Variants in SP140L observed in about 807,000 individuals in gnomAD.
SP140L encodes the protein SP140 like nuclear body protein.
A neutral mutation model predicts 84.3 loss-of-function variants in SP140L; 64 were observed. That is an observed-to-expected ratio of 0.76 (90% confidence interval 0.62 to 0.94). SP140L has a LOEUF of 0.94. Ranked by LOEUF, SP140L falls within the 40% of genes least tolerant of loss-of-function variation. The pLI, the probability that SP140L is intolerant of heterozygous loss-of-function variation, is 0.00. For synonymous variants in SP140L, 242 were observed against 236.9 expected (o/e 1.02, Z -0.20); for missense variants, 628 against 692.5 (o/e 0.91, Z 1.05).
chr2:230,328,529 A>G (rs1301939284), intron 1 of SP140L, among the ~76,000 whole-genome samples: 1 of 152,238 alleles, frequency 6.6e-6, no homozygotes, highest in Non-Finnish European at 1.5e-5. Flanking sequence ...ATACTATTCC[A>G]TAGAATTTAC....
chr2:230,333,164 ATT>A (rs777170281), intron 2 of SP140L, among the ~76,000 whole-genome samples: 26 of 143,450 alleles, frequency 1.8e-4, no homozygotes, highest in Non-Finnish European at 1.5e-4. Context: ...TGCCATTCTG[ATT>A]TTTTTTTTTT....
intron 7 of SP140L, among the ~76,000 whole-genome samples, chr2:230,375,858 G>A (rs922800910): frequency 1.3e-5 from 2 of 151,992 alleles, no homozygotes; most frequent in African/African-American, 4.8e-5. Context: ...TATTCCATAG[G>A]TTGCCTTTTC....
At chr2:230,351,009 T>C (rs750104150) in intron 2 of SP140L, among the ~76,000 whole-genome samples, 2 of 152,054 alleles carry the variant, frequency 1.3e-5, no homozygotes, top group Admixed American at 6.6e-5. Flanking sequence ...GATCATTACA[T>C]TACCTTTGAA....
At chr2:230,379,551 A>G (rs932812581) in intron 7 of SP140L, among the ~76,000 whole-genome samples, 2 of 152,044 alleles carry the variant, frequency 1.3e-5, no homozygotes, top group African/African-American at 4.8e-5. Flanking sequence ...ACTTAAATCA[A>G]TTTTTTAAAT....
intron 2 of SP140L, among the ~76,000 whole-genome samples, chr2:230,356,926 A>G (rs1056802927): frequency 6.6e-6 from 1 of 152,194 alleles, no homozygotes; most frequent in Non-Finnish European, 1.5e-5. Context: ...ATTCAAAACA[A>G]TAATGCGACA....
Position 230,393,448 on chromosome 2 carries a change from A to G in SP140L, c.1142A>G (p.Tyr381Cys). Residue 381 changes from tyrosine to cysteine, a missense_variant, in exon 13 of 19, where the codon TAC becomes TGC. Physicochemically the swap from Tyr to Cys is radical, Grantham distance 194. Around this residue, in one of 4 missense-constraint regions of SP140L, gnomAD observed 525 missense variants for 518.4 expected, o/e 1.01. Transcript: ENST00000415673. ...CTACCTAATCCTCCAAGAATATATT[A>G]CAGGAACAAAAAGGTGATTATTACA... is the stretch of plus-strand genomic sequence containing the variant. ...GSLPNPPRIY[Y>C]RNKKRILKSQ... 1.3e-6 allele frequency: 2 copies of G among 1,579,748 alleles called. No individual in the cohort carries two copies. The highest frequency in any genetic ancestry group is 1.7e-6 in the Non-Finnish European group (2 of 1,164,992).
At chr2:230,387,189 T>C (rs2061620231) in intron 9 of SP140L, among the ~76,000 whole-genome samples, 1 of 152,214 alleles carries the variant, frequency 6.6e-6, no homozygotes, top group African/African-American at 2.4e-5. Flanking sequence ...GAACCACAGT[T>C]CCACCTCTTT....
At position 230,370,949 on chromosome 2, in the gene SP140L, C is replaced by T; in HGVS notation, c.565C>T (p.Gln189Ter). ...ESPEARKESDQACGKMDTVDI... is the reference protein window; with the variant it reads ...ESPEARKESD ...CCCGGAAGCAAGGAAGGAAAGTGAC[C>T]AAGCATGTGGCAAAATGGGTAAGGC... is the stretch of plus-strand genomic sequence containing the variant. The change falls in exon 6 of 19, where the codon CAA (glutamine) becomes TAA (stop). Residue 189 changes from glutamine (Q) to a stop codon, truncating the protein, a stop_gained. Transcript: ENST00000415673. LOFTEE classifies it high-confidence loss of function. 1.2e-6 allele frequency: 2 copies of T among 1,613,720 alleles called. No homozygotes were observed. The highest frequency in any genetic ancestry group is 8.5e-7 in the Non-Finnish European group (1 of 1,179,808).
chr2:230,352,015 G>A (rs534283346), intron 2 of SP140L, among the ~76,000 whole-genome samples: 1 of 152,172 alleles, frequency 6.6e-6, no homozygotes, highest in East Asian at 1.9e-4. Context: ...CAGAAAAATT[G>A]ATGTTTTAAA....
At chr2:230,363,730 C>CA (rs397831534) in intron 5 of SP140L, among the ~76,000 whole-genome samples, 15 of 151,690 alleles carry the variant, frequency 9.9e-5, no homozygotes, top group African/African-American at 3.4e-4. Context: ...GGTGTCATAC[C>CA]AAAAACATAA....
intron 13 of SP140L, 55 bp from the exon 14 acceptor site, chr2:230,396,702 T>C (rs746927172): frequency 2.3e-4 from 363 of 1,584,432 alleles, no homozygotes; most frequent in Admixed American, 4.3e-4. Flanking sequence ...AAGTAAGTGA[T>C]AGATGGAAAC....
intron 3 of SP140L, 144 bp from the exon 4 acceptor site, chr2:230,358,820 C>G: frequency 3.1e-6 from 2 of 651,616 alleles, no homozygotes; most frequent in Non-Finnish European, 2.5e-6. Flanking sequence ...ACTGGCTATA[C>G]AAATATGTAA....
At chr2:230,360,287 G>A (rs1295497165) in intron 4 of SP140L, among the ~76,000 whole-genome samples, 1 of 152,150 alleles carries the variant, frequency 6.6e-6, no homozygotes, top group Non-Finnish European at 1.5e-5. Flanking sequence ...ACTTAAGAGA[G>A]ATCAATTGGA....
chr2:230,373,331 G>A (rs1432074786), intron 7 of SP140L, among the ~76,000 whole-genome samples: 6 of 152,204 alleles, frequency 3.9e-5, no homozygotes, highest in Non-Finnish European at 8.8e-5. Context: ...TAGGTAGAGA[G>A]GAGAAGTCAA....
intron 11 of SP140L, among the ~76,000 whole-genome samples, chr2:230,391,052 A>G (rs1575537263): frequency 6.6e-6 from 1 of 152,316 alleles, no homozygotes; most frequent in Non-Finnish European, 1.5e-5. Flanking sequence ...TTCATATTGT[A>G]TTAGTACTTC....
At chr2:230,349,168 T>C (rs1009355833) in intron 2 of SP140L, among the ~76,000 whole-genome samples, 5 of 152,242 alleles carry the variant, frequency 3.3e-5, no homozygotes, top group East Asian at 3.8e-4. Context: ...CTTGGCACTT[T>C]TGTTGAAAAT....
chr2:230,363,713 T>C (rs979767969), intron 5 of SP140L, among the ~76,000 whole-genome samples: 1 of 131,088 alleles, frequency 7.6e-6, no homozygotes, highest in African/African-American at 3.3e-5. Flanking sequence ...TTTGTGATTG[T>C]GTTTTTGGTG....
chr2:230,328,881 GAAA>G, intron 2 of SP140L, 50 bp downstream of exon 2: 1 of 1,576,526 alleles, frequency 6.3e-7, no homozygotes, highest in Non-Finnish European at 8.6e-7. Context: ...TGATAATGTG[GAAA>G]GCTGAACAGC....
At chr2:230,402,171 C>T (rs554632794) in intron 18 of SP140L, among the ~76,000 whole-genome samples, 1 of 152,268 alleles carries the variant, frequency 6.6e-6, no homozygotes, top group East Asian at 1.9e-4. Context: ...TCCCAAACTC[C>T]AGATTCTTTG....
Sources: allele counts gnomAD v4.1 joint callset (sites outside exome capture counted in the v4.1 genomes callset), GRCh38; gene constraint gnomAD v4.1.1; regional missense constraint gnomAD v4.1.1; transcripts MANE v1.5; gene names NCBI Gene and HGNC (gene_info 2026-07-23, HGNC 2026-07-21).